Variants in UBE2E2 observed in about 807,000 individuals in gnomAD.
UBE2E2 encodes the protein ubiquitin-conjugating enzyme E2 E2.
In UBE2E2, 6 loss-of-function variants were observed where a neutral mutation model predicts 24.7. The observed-to-expected ratio is 0.24, with a 90% CI of 0.13 to 0.48. UBE2E2 has a LOEUF of 0.48. UBE2E2 is among the 20% of genes least tolerant of loss of function. The pLI, the probability that UBE2E2 is intolerant of heterozygous loss-of-function variation, is 0.99. For synonymous variants in UBE2E2, 104 were observed against 83.6 expected (o/e 1.24, Z -1.33); for missense variants, 169 against 245.0 (o/e 0.69, Z 2.07).
At chr3:23,352,094 C>A (rs1695773093) in intron 3 of UBE2E2, among the ~76,000 whole-genome samples, 1 of 152,098 alleles carries the variant, frequency 6.6e-6, no homozygotes, top group African/African-American at 2.4e-5. Context: ...CAAAACCGTG[C>A]AACTACATGG....
intron 3 of UBE2E2, among the ~76,000 whole-genome samples, chr3:23,325,107 A>G (rs1055211157): frequency 6.6e-6 from 1 of 152,200 alleles, no homozygotes; most frequent in Non-Finnish European, 1.5e-5. Flanking sequence ...CCATCAGGAA[A>G]CTTTAGCAGT....
rs1324397431 is a variant in UBE2E2 at position 23,471,115 on chromosome 3, GGT to G, written c.228-28492_228-28491del. 2.0e-5 allele frequency among the ~76,000 whole-genome samples: 3 copies of G among 152,040 alleles called. No homozygotes were observed. In the East Asian group the frequency reaches 5.8e-4, roughly 29 times the overall value. On this transcript the variant is annotated intron_variant, in intron 3 of 5. Transcript: ENST00000396703. ...GTATGCATAAATCTGTGGTTTCAAA[GGT>G]CACAGTTTGAAAATCCTGAGTATTT...
At chr3:23,260,099 T>C (rs937526409) in intron 3 of UBE2E2, among the ~76,000 whole-genome samples, 1 of 152,230 alleles carries the variant, frequency 6.6e-6, no homozygotes, top group Non-Finnish European at 1.5e-5. Flanking sequence ...TATACAACAT[T>C]GTTGGGTTAA....
intron 4 of UBE2E2, among the ~76,000 whole-genome samples, chr3:23,504,567 T>C (rs1431733549): frequency 6.6e-6 from 1 of 151,014 alleles, no homozygotes; most frequent in East Asian, 1.9e-4. Context: ...AACATGACAG[T>C]GTAGAACTTC....
At chr3:23,392,736 A>G (rs1696969629) in intron 3 of UBE2E2, among the ~76,000 whole-genome samples, 1 of 152,160 alleles carries the variant, frequency 6.6e-6, no homozygotes, top group Admixed American at 6.5e-5. Flanking sequence ...TAATGTGGAG[A>G]CAGATGCTTA....
intron 3 of UBE2E2, among the ~76,000 whole-genome samples, chr3:23,297,624 C>T (rs1698948625): frequency 6.6e-6 from 1 of 151,250 alleles, no homozygotes; most frequent in African/African-American, 2.4e-5. Flanking sequence ...AATGAGGGCT[C>T]TGTTCTGTTC....
intron 5 of UBE2E2, among the ~76,000 whole-genome samples, chr3:23,535,353 T>C (rs1695229442): frequency 6.6e-6 from 1 of 152,170 alleles, no homozygotes; most frequent in African/African-American, 2.4e-5. Flanking sequence ...ACCTACTCAG[T>C]TGAATTTAAC....
intron 5 of UBE2E2, among the ~76,000 whole-genome samples, chr3:23,568,418 C>G (rs1440104215): frequency 6.6e-6 from 1 of 151,716 alleles, no homozygotes; most frequent in Admixed American, 6.6e-5. Flanking sequence ...AAACAAGTCT[C>G]ATTATATTAT....
At chr3:23,478,483 C>A (rs1699185101) in intron 3 of UBE2E2, among the ~76,000 whole-genome samples, 1 of 152,158 alleles carries the variant, frequency 6.6e-6, no homozygotes, top group Admixed American at 6.5e-5. Flanking sequence ...ATAGAACACA[C>A]AGATTTCCAG....
downstream of UBE2E2, chr3:23,591,845 A>T (rs1374989036): frequency 1.3e-5 from 2 of 152,164 alleles, no homozygotes; most frequent in South Asian, 4.1e-4. Context: ...TCTCACCACA[A>T]AGTTTTTTAT....
chr3:23,451,840 C>T (rs1324267691), intron 3 of UBE2E2, among the ~76,000 whole-genome samples: 2 of 151,680 alleles, frequency 1.3e-5, no homozygotes, highest in Non-Finnish European at 2.9e-5. Flanking sequence ...AGATAGTGGC[C>T]AAGTTTGAAA....
rs569672527 is a variant in UBE2E2 at position 23,301,440 on chromosome 3, T to G, written c.227+84128T>G. 3.3e-5 allele frequency among the ~76,000 whole-genome samples: 5 copies of G among 152,332 alleles called. No individual in the cohort carries two copies. In the East Asian group the frequency reaches 9.6e-4, roughly 29 times the overall value. On this transcript the variant is annotated intron_variant, in intron 3 of 5. Transcript: ENST00000396703. ...ATCTACCTTTGGTCTTTGATGATGG[T>G]GATGTACAGATGGGTTTTTGGTGTG...
intron 3 of UBE2E2, among the ~76,000 whole-genome samples, chr3:23,396,472 A>G (rs1697081540): frequency 6.6e-6 from 1 of 151,824 alleles, no homozygotes; most frequent in South Asian, 2.1e-4. Context: ...ACATATACAT[A>G]TACAGACACA....
At chr3:23,256,927 G>A (rs1241353004) in intron 3 of UBE2E2, among the ~76,000 whole-genome samples, 1 of 152,138 alleles carries the variant, frequency 6.6e-6, no homozygotes, top group Admixed American at 6.5e-5. Context: ...TTCCTAACCT[G>A]CCTGCATGTT....
At chr3:23,572,851 TGCAAGTG>T (rs759843789) in intron 5 of UBE2E2, among the ~76,000 whole-genome samples, 8 of 152,198 alleles carry the variant, frequency 5.3e-5, no homozygotes, top group Non-Finnish European at 8.8e-5. Context: ...AATGTACAAG[TGCAAGTG>T]TCTTTTTGGT....
intron 4 of UBE2E2, among the ~76,000 whole-genome samples, chr3:23,527,761 G>C (rs1695032855): frequency 6.6e-6 from 1 of 152,098 alleles, no homozygotes; most frequent in Non-Finnish European, 1.5e-5. Flanking sequence ...GTTCTGGGTT[G>C]CTGAACTCAT....
chr3:23,213,165 C>T (rs1269774124), intron 2 of UBE2E2, among the ~76,000 whole-genome samples: 12 of 152,042 alleles, frequency 7.9e-5, no homozygotes, highest in Non-Finnish European at 1.8e-4. Context: ...TGCGAATCTG[C>T]GTATCCACAC....
chr3:23,326,667 TTTTG>T (rs964089492), intron 3 of UBE2E2, among the ~76,000 whole-genome samples: 82 of 152,304 alleles, frequency 5.4e-4, no homozygotes, highest in Admixed American at 7.2e-4. Flanking sequence ...CATAAAGGTT[TTTTG>T]TTTGTTTGTT....
intron 3 of UBE2E2, among the ~76,000 whole-genome samples, chr3:23,416,253 C>CA (rs1229295350): frequency 3.3e-5 from 5 of 152,160 alleles, no homozygotes; most frequent in Non-Finnish European, 7.4e-5. Context: ...CTGGTGGTGA[C>CA]AAAATCTCTC....
Sources: gnomAD v4.1 joint callset for allele counts (sites outside exome capture counted in the v4.1 genomes callset) on GRCh38, gnomAD v4.1.1 for gene constraint, MANE v1.5 for transcripts, NCBI Gene and HGNC (gene_info 2026-07-23, HGNC 2026-07-21) for gene names.